The following SLC30A8 variants were observed in gnomAD, a reference collection of about 807,000 sequenced individuals.
SLC30A8 encodes the protein solute carrier family 30 member 8.
SLC30A8 carries 27 observed loss-of-function variants against 36.9 expected under a neutral mutation model. That is an observed-to-expected ratio of 0.73 (90% CI 0.54 to 1.01). The LOEUF (loss-of-function observed/expected upper bound fraction) is 1.01. Among genes scored for constraint, SLC30A8 ranks in the 50% least tolerant of loss-of-function variants. The pLI, the probability that SLC30A8 is intolerant of heterozygous loss-of-function variation, is 0.00. For synonymous variants in SLC30A8, 164 were observed against 172.4 expected (o/e 0.95, Z 0.38); for missense variants, 439 against 452.0 (o/e 0.97, Z 0.26).
At chr8:117,162,107 A>T (rs1383778652) in intron 5 of SLC30A8, among the ~76,000 whole-genome samples, 1 of 152,226 alleles carries the variant, frequency 6.6e-6, no homozygotes, top group African/African-American at 2.4e-5. Flanking sequence ...AATAGGGAAC[A>T]TCTCTGGCTC....
chr8:117,001,880 C>G (rs1471710687), intron 1 of SLC30A8, among the ~76,000 whole-genome samples: 1 of 152,096 alleles, frequency 6.6e-6, no homozygotes, highest in Non-Finnish European at 1.5e-5. Flanking sequence ...TTAGTTATTT[C>G]TTAGAATTTT....
At chr8:117,045,606 G>A in intron 2 of SLC30A8, among the ~76,000 whole-genome samples, 1 of 152,126 alleles carries the variant, frequency 6.6e-6, no homozygotes, top group South Asian at 2.1e-4. Flanking sequence ...GAGGCCACGG[G>A]CTCCCACTCC....
intron 1 of SLC30A8, among the ~76,000 whole-genome samples, chr8:117,031,855 G>C (rs11990337): frequency 0.21 from 31,293 of 152,038 alleles, 3,348 homozygotes; most frequent in African/African-American, 0.26. Flanking sequence ...GCTGATACCC[G>C]AAGGACTCTC....
chr8:117,135,930 C>T (rs1821339218), intron 1 of SLC30A8, among the ~76,000 whole-genome samples: 1 of 151,870 alleles, frequency 6.6e-6, no homozygotes, highest in African/African-American at 2.4e-5. Context: ...ACATGCAATA[C>T]ATTCATTCAT....
At chr8:117,023,302 A>C (rs1319653355) in intron 1 of SLC30A8, among the ~76,000 whole-genome samples, 1 of 152,198 alleles carries the variant, frequency 6.6e-6, no homozygotes, top group African/African-American at 2.4e-5. Flanking sequence ...CCATTGTGGA[A>C]GTCAGTGTGG....
chr8:117,037,335 T>C (rs1309908923), intron 1 of SLC30A8, among the ~76,000 whole-genome samples: 2 of 152,200 alleles, frequency 1.3e-5, no homozygotes, highest in Non-Finnish European at 2.9e-5. Flanking sequence ...AGATTTCCCA[T>C]ACTGTCAGCT....
chr8:117,015,176 A>G (rs1357238006), intron 1 of SLC30A8, among the ~76,000 whole-genome samples: 2 of 152,000 alleles, frequency 1.3e-5, no homozygotes, highest in African/African-American at 4.8e-5. Context: ...ATCAACCATA[A>G]AACTTCTTAA....
chr8:116,990,881 A>G (rs1815616541), intron 1 of SLC30A8, among the ~76,000 whole-genome samples: 1 of 152,178 alleles, frequency 6.6e-6, no homozygotes, highest in Non-Finnish European at 1.5e-5. Context: ...ACAACCAAAT[A>G]AGTGAATGAA....
chr8:117,119,346 TG>T (rs1290350925), intron 2 of SLC30A8, among the ~76,000 whole-genome samples: 8 of 151,888 alleles, frequency 5.3e-5, no homozygotes, highest in Non-Finnish European at 1.2e-4. Context: ...CGGTCCATAT[TG>T]CTTTTTTCCC....
Position 117,078,463 on chromosome 8 carries a change from C to G in SLC30A8, c.-226+39205C>G, listed in dbSNP as rs565741155. Reference sequence around the variant, plus strand: ...TGTGATTCTAACTTTTGGCTACTTTCTAGATTTTTTTTTTCTTTTTTTCCC... The same window carrying G: ...TGTGATTCTAACTTTTGGCTACTTTGTAGATTTTTTTTTTCTTTTTTTCCC... On this transcript the variant is annotated intron_variant, in intron 2 of 10. Transcript: ENST00000427715. Among the ~76,000 whole-genome samples, 5 of 151,890 alleles carry G rather than the reference C, an allele frequency of 3.3e-5. No homozygotes were observed. The South Asian group carries it at 1.0e-3, about 32-fold the overall frequency.
intron 1 of SLC30A8, among the ~76,000 whole-genome samples, chr8:117,029,952 ATGTT>A (rs927603368): frequency 2.7e-4 from 41 of 152,320 alleles, no homozygotes; most frequent in African/African-American, 9.4e-4. Flanking sequence ...TAATGGTGCA[ATGTT>A]TGTTTGTTTT....
intron 1 of SLC30A8, among the ~76,000 whole-genome samples, chr8:117,025,956 G>A (rs779858012): frequency 5.3e-5 from 8 of 152,194 alleles, no homozygotes; most frequent in Non-Finnish European, 1.2e-4. Flanking sequence ...CCCTGGGCAT[G>A]AGCCAATGCG....
intron 1 of SLC30A8, among the ~76,000 whole-genome samples, chr8:117,136,009 A>G (rs555571655): frequency 7.2e-5 from 11 of 152,082 alleles, no homozygotes; most frequent in African/African-American, 2.6e-4. Flanking sequence ...ATGAGAAAGA[A>G]AAAAATGTCT....
chr8:117,025,987 G>A (rs1007002575), intron 1 of SLC30A8, among the ~76,000 whole-genome samples: 3 of 152,308 alleles, frequency 2.0e-5, no homozygotes, highest in Non-Finnish European at 2.9e-5. Flanking sequence ...TTCCTTCGCA[G>A]GGTGATGGTG....
intron 2 of SLC30A8, among the ~76,000 whole-genome samples, chr8:117,084,397 A>G (rs1460605003): frequency 6.6e-6 from 1 of 152,164 alleles, no homozygotes; most frequent in Non-Finnish European, 1.5e-5. Context: ...TTATGACTTT[A>G]TGTATCAAAT....
At chr8:117,059,087 T>G (rs962422077) in intron 2 of SLC30A8, among the ~76,000 whole-genome samples, 1 of 152,236 alleles carries the variant, frequency 6.6e-6, no homozygotes, top group African/African-American at 2.4e-5. Context: ...ATTTTTATAT[T>G]GAAGTCACGT....
chr8:117,011,711 A>C (rs1347129432), intron 1 of SLC30A8, among the ~76,000 whole-genome samples: 2 of 152,238 alleles, frequency 1.3e-5, no homozygotes, highest in East Asian at 1.9e-4. Context: ...TGGGAAAAAG[A>C]AAATACTCAA....
intron 1 of SLC30A8, among the ~76,000 whole-genome samples, chr8:117,005,464 C>T (rs1174230001): frequency 3.3e-5 from 5 of 152,190 alleles, no homozygotes; most frequent in Non-Finnish European, 7.3e-5. Flanking sequence ...ATTGTTTATG[C>T]ATTCATCAGT....
chr8:117,022,196 T>C (rs1563752076), intron 1 of SLC30A8, among the ~76,000 whole-genome samples: 1 of 91,074 alleles, frequency 1.1e-5, no homozygotes, highest in Non-Finnish European at 2.1e-5. Flanking sequence ...CAAGACTCCG[T>C]CTCAAAAAAA....
Sources: gnomAD v4.1 joint callset for allele counts (sites outside exome capture counted in the v4.1 genomes callset) on GRCh38, gnomAD v4.1.1 for gene constraint, MANE v1.5 for transcripts, NCBI Gene and HGNC (gene_info 2026-07-23, HGNC 2026-07-21) for gene names.